The following SEC24B variants were observed in gnomAD, a reference collection of about 807,000 sequenced individuals.
The protein encoded by SEC24B is protein transport protein Sec24B.
Under a neutral mutation model 142.8 loss-of-function variants are expected in SEC24B, and 45 were observed. The ratio of observed to expected loss-of-function variants is 0.32; its 90% CI spans 0.25 to 0.40. The LOEUF is 0.40. Ranked by LOEUF, SEC24B falls within the 10% of genes least tolerant of loss-of-function variation. The pLI is 1.00. For missense variants in SEC24B, 1,409 were observed against 1,526.8 expected (o/e 0.92, Z 1.29); for synonymous variants, 574 against 568.2 (o/e 1.01, Z -0.15).
intron 2 of SEC24B, among the ~76,000 whole-genome samples, chr4:109,465,310 C>A (rs1731750987): frequency 6.6e-6 from 1 of 152,192 alleles, no homozygotes; most frequent in Non-Finnish European, 1.5e-5. Context: ...CTACAAATTA[C>A]TGAGCTAGAA....
intron 1 of SEC24B, among the ~76,000 whole-genome samples, chr4:109,453,053 G>T (rs1251777998): frequency 6.6e-6 from 1 of 152,110 alleles, no homozygotes; most frequent in Non-Finnish European, 1.5e-5. Context: ...TCACATGTCG[G>T]CAGGTTCTGT....
At chr4:109,477,027 C>G (rs1733233291) in intron 3 of SEC24B, among the ~76,000 whole-genome samples, 1 of 149,664 alleles carries the variant, frequency 6.7e-6, no homozygotes, top group African/African-American at 2.5e-5. Flanking sequence ...GTCCCAGCTA[C>G]TTGGGAGGCT....
chr4:109,521,318 T>C, intron 13 of SEC24B, 102 bp from the exon 14 acceptor site: 1 of 1,098,568 alleles, frequency 9.1e-7, no homozygotes, highest in Non-Finnish European at 1.3e-6. Flanking sequence ...CAGTTTCCAG[T>C]CCCCAGAAAT....
rs1214987519 is a variant in SEC24B at position 109,531,426 on chromosome 4, T to A, written c.3294T>A (p.Arg1098=). 1 of 1,613,564 alleles carries A rather than the reference T, an allele frequency of 6.2e-7. No individual in the cohort carries two copies. The highest frequency in any genetic ancestry group is 1.3e-5 in the African/African-American group (1 of 74,938). Reference sequence around the variant, plus strand: ...GTACAAGCACACGGCTGGATGATCGTGTATATGCCATGTGTCAGATAAAGT... The same window carrying A: ...GTACAAGCACACGGCTGGATGATCGAGTATATGCCATGTGTCAGATAAAGT... The part of the protein sequence containing the change: ...RTGTSTRLDD[R]VYAMCQIKSQ... The change falls in exon 20 of 24, where the codon CGT becomes CGA. Residue 1098 remains arginine, a synonymous_variant. Transcript: ENST00000265175.
intron 1 of SEC24B, among the ~76,000 whole-genome samples, chr4:109,455,140 G>A (rs1730533295): frequency 6.6e-6 from 1 of 152,128 alleles, no homozygotes; most frequent in Non-Finnish European, 1.5e-5. Context: ...CCTTCAGAGG[G>A]CCAAGGGGAG....
intron 11 of SEC24B, 133 bp from the exon 12 acceptor site, chr4:109,520,233 G>T: frequency 1.7e-6 from 1 of 606,044 alleles, no homozygotes; most frequent in Non-Finnish European, 2.9e-6. Context: ...GTTTAGATAG[G>T]GATAATTTTT....
At chr4:109,515,259 C>T (rs1158902986) in intron 10 of SEC24B, among the ~76,000 whole-genome samples, 1 of 151,916 alleles carries the variant, frequency 6.6e-6, no homozygotes. Flanking sequence ...CGCCACCACG[C>T]CCGGCTAATT....
chr4:109,478,348 CT>C (rs567625668), intron 3 of SEC24B, among the ~76,000 whole-genome samples: 1 of 150,750 alleles, frequency 6.6e-6, no homozygotes, highest in Non-Finnish European at 1.5e-5. Context: ...GTGGGTGGTT[CT>C]TTTTTTTCTA....
intron 11 of SEC24B, among the ~76,000 whole-genome samples, chr4:109,519,252 T>C (rs1014125680): frequency 6.6e-6 from 1 of 152,156 alleles, no homozygotes; most frequent in Non-Finnish European, 1.5e-5. Context: ...TAGCCTTGTA[T>C]GGAAAAGTAT....
chr4:109,505,057 A>G (rs544468641), intron 6 of SEC24B, among the ~76,000 whole-genome samples: 170 of 152,246 alleles, frequency 1.1e-3, no homozygotes, highest in Non-Finnish European at 1.9e-3. Flanking sequence ...AAGCTAATAA[A>G]AATAGTTAAC....
intron 11 of SEC24B, among the ~76,000 whole-genome samples, chr4:109,519,553 C>T (rs929368051): frequency 6.6e-6 from 1 of 152,198 alleles, no homozygotes; most frequent in African/African-American, 2.4e-5. Context: ...GGTCAGTAGT[C>T]TCCTCTAGCC....
chr4:109,444,527 T>C (rs976983016), intron 1 of SEC24B, among the ~76,000 whole-genome samples: 1 of 151,856 alleles, frequency 6.6e-6, no homozygotes, highest in African/African-American at 2.4e-5. Context: ...AAATATTTGT[T>C]TTATAAATTT....
intron 6 of SEC24B, among the ~76,000 whole-genome samples, chr4:109,500,341 T>C (rs1578909949): frequency 6.6e-6 from 1 of 151,978 alleles, no homozygotes; most frequent in Non-Finnish European, 1.5e-5. Flanking sequence ...GTCAGGAGTT[T>C]GAGACCAGCC....
chr4:109,434,337 A>G lies in SEC24B; in HGVS notation c.133+335A>G, dbSNP rs541550304. On this transcript the variant is annotated intron_variant, in intron 1 of 23. Transcript: ENST00000265175. ...GGGGCGACTGAAAAGCTGGGAGCCC[A>G]CGTAGTAAAACCCAGTTACCTAGCC... Among the ~76,000 whole-genome samples, 13 of 152,234 alleles carry G rather than the reference A, an allele frequency of 8.5e-5. No homozygotes were observed. The East Asian group carries it at 2.5e-3, about 30-fold the overall frequency.
intron 1 of SEC24B, among the ~76,000 whole-genome samples, chr4:109,460,031 T>C (rs1731097590): frequency 6.6e-6 from 1 of 152,186 alleles, no homozygotes; most frequent in Non-Finnish European, 1.5e-5. Flanking sequence ...ATTATTACCA[T>C]CTAAAATAAT....
rs777425962 is a variant in SEC24B, at chr4:109,463,100, A to T, written c.333A>T (p.Pro111=). 1 of 1,614,210 alleles carries T rather than the reference A, an allele frequency of 6.2e-7. No individual in the cohort carries two copies. Reference sequence around the variant, plus strand: ...CTCCTAACACAGTGAACCAGCAACCAGGAGCACAGCAGTTGTACAGCAGGG... The same window carrying T: ...CTCCTAACACAGTGAACCAGCAACCTGGAGCACAGCAGTTGTACAGCAGGG... The part of the protein sequence containing the change: ...NVTPNTVNQQ[P]GAQQLYSRGP... The change falls in exon 2 of 24, where the codon CCA becomes CCT. Residue 111 remains proline (P), a synonymous_variant. Transcript: ENST00000265175.
At chr4:109,499,616 A>G (rs1163707977) in intron 6 of SEC24B, among the ~76,000 whole-genome samples, 1 of 152,240 alleles carries the variant, frequency 6.6e-6, no homozygotes, top group African/African-American at 2.4e-5. Context: ...TAAGATTATA[A>G]TGGAGCTGAA....
chr4:109,450,750 CTTTTTTTTTTT>C (rs766975065), intron 1 of SEC24B: 1 of 118,600 alleles, frequency 8.4e-6, no homozygotes, highest in African/African-American at 3.1e-5. Context: ...CTGTGCAATT[CTTTTTTTTTTT>C]TTTTTTTTTA....
At chr4:109,450,109 A>T (rs1729907134) in intron 1 of SEC24B, among the ~76,000 whole-genome samples, 1 of 152,132 alleles carries the variant, frequency 6.6e-6, no homozygotes, top group African/African-American at 2.4e-5. Flanking sequence ...GCTACTCTGG[A>T]GGCTGAGATG....
Sources: gnomAD v4.1 joint callset for allele counts (sites outside exome capture counted in the v4.1 genomes callset) on GRCh38, gnomAD v4.1.1 for gene constraint, MANE v1.5 for transcripts, NCBI Gene and HGNC (gene_info 2026-07-23, HGNC 2026-07-21) for gene names.